KCNH8: variants seen among roughly 807,000 people sequenced by gnomAD.
The protein encoded by KCNH8 is potassium voltage-gated channel subfamily H member 8.
A neutral mutation model predicts 103.6 loss-of-function variants in KCNH8; 70 were observed. The ratio of observed to expected loss-of-function variants is 0.68; its 90% CI spans 0.56 to 0.82. KCNH8 has a LOEUF of 0.82. Among genes scored for constraint, KCNH8 ranks in the 40% least tolerant of loss-of-function variants. The probability of loss-of-function intolerance (pLI) is 0.00; values close to 1 mark genes in which losing one functional copy is unlikely to be tolerated. For missense variants in KCNH8, 1,217 were observed against 1,329.9 expected, an observed-to-expected ratio of 0.92 and a Z score of 1.32; for synonymous variants, 498 against 489.4, an observed-to-expected ratio of 1.02 and a Z score of -0.23.
intron 4 of KCNH8, among the ~76,000 whole-genome samples, chr3:19,343,363 TC>T (rs1257432550): frequency 6.6e-6 from 1 of 152,120 alleles, no homozygotes; most frequent in African/African-American, 2.4e-5. Flanking sequence ...GGAGTTTATT[TC>T]CTATTTTACA....
At chr3:19,427,760 G>A (rs1257801949) in intron 7 of KCNH8, among the ~76,000 whole-genome samples, 2 of 152,226 alleles carry the variant, frequency 1.3e-5, no homozygotes, top group South Asian at 2.1e-4. Context: ...CTGGGAGAAG[G>A]GCTGGGGAAG....
chr3:19,429,186 T>G (rs1187858983), intron 7 of KCNH8, among the ~76,000 whole-genome samples: 1 of 76,446 alleles, frequency 1.3e-5, no homozygotes, highest in African/African-American at 5.5e-5. Context: ...TTTTTTTTTT[T>G]TTGGAGACAA....
In KCNH8 at chr3:19,450,198, C is replaced by T; in HGVS notation, c.1468C>T (p.Leu490=). 2.5e-6 allele frequency: 4 copies of T among 1,613,606 alleles called. No homozygotes were observed. Among genetic ancestry groups the T allele is most frequent in the Non-Finnish European group, 3.4e-6 (4 of 1,179,696 alleles). ...CCTCTATCACACTAGAACTAAGGATCTGAAAGATTTCATCCGTGTCCATCA... is the reference window on the plus strand; with the variant it reads ...CCTCTATCACACTAGAACTAAGGATTTGAAAGATTTCATCCGTGTCCATCA... ...WSLYHTRTKD[L]KDFIRVHHLP... Residue 490 remains leucine, a synonymous_variant, in exon 9 of 16, where the codon CTG becomes TTG. Coordinates refer to ENST00000328405, the MANE Select transcript of KCNH8 (RefSeq NM_144633.3).
rs75316621 is a variant in KCNH8 at position 19,173,445 on chromosome 3, T to C, written c.76+24650T>C. On this transcript the variant is annotated intron_variant, in intron 1 of 15. Coordinates refer to ENST00000328405, the MANE Select transcript of KCNH8 (RefSeq NM_144633.3). The stretch of plus-strand genomic sequence containing the variant: ...GCAAGGGCTTACACCTCTGCAAGTG[T>C]AAAAACAGGAAATAATTCAACCAAT... Among the ~76,000 whole-genome samples the C allele has an allele frequency of 2.8e-4, 42 of 152,314 alleles. No homozygotes were observed. In the East Asian group the frequency reaches 8.1e-3, roughly 29 times the overall value.
intron 1 of KCNH8, among the ~76,000 whole-genome samples, chr3:19,251,651 C>T (rs2064279411): frequency 6.6e-6 from 1 of 152,004 alleles, no homozygotes; most frequent in Non-Finnish European, 1.5e-5. Context: ...ACCTTCTTTC[C>T]CATGGCAGGA....
chr3:19,408,456 T>A (rs1257211292), intron 7 of KCNH8, among the ~76,000 whole-genome samples: 1 of 151,896 alleles, frequency 6.6e-6, no homozygotes. Context: ...TCATGAAAAA[T>A]CTGAATGTAG....
chr3:19,458,688 C>G (rs2067573073), intron 11 of KCNH8, among the ~76,000 whole-genome samples: 1 of 151,968 alleles, frequency 6.6e-6, no homozygotes, highest in South Asian at 2.1e-4. Context: ...CAACAGATCT[C>G]TTGAACTTAT....
chr3:19,434,991 ATGTAT>A (rs2067176756), intron 7 of KCNH8, among the ~76,000 whole-genome samples: 1 of 152,134 alleles, frequency 6.6e-6, no homozygotes, highest in African/African-American at 2.4e-5. Flanking sequence ...ATGGTTAATA[ATGTAT>A]TTAAAACTTG....
intron 2 of KCNH8, among the ~76,000 whole-genome samples, chr3:19,275,401 G>C (rs1193327888): frequency 1.9e-4 from 29 of 151,846 alleles, no homozygotes. Flanking sequence ...TACCCCCCAC[G>C]CTGCCCTCCA....
chr3:19,423,579 T>A (rs1405486581), intron 7 of KCNH8, among the ~76,000 whole-genome samples: 1 of 152,046 alleles, frequency 6.6e-6, no homozygotes, highest in Non-Finnish European at 1.5e-5. Context: ...TCCAATTCCA[T>A]CCAGGTTGCT....
Position 19,535,004 on chromosome 3 carries a change from G to A in KCNH8, c.*905G>A. The A allele has an allele frequency of 6.6e-6, 1 of 152,190 alleles. No homozygotes were observed. The highest frequency in any genetic ancestry group is 1.9e-4 in the East Asian group (1 of 5,190). 9.4% of individuals were successfully genotyped at this position (152,190 alleles called of 1,614,324 possible). A position where few individuals can be genotyped will look rare whatever the true frequency, so the allele number is the denominator to read the frequency against. Reference sequence around the variant, plus strand: ...CTACATGAGCTTTGGCATGGGGATAGAGAGGCTCCATCTAGGCTCTGCCAA... The same window carrying A: ...CTACATGAGCTTTGGCATGGGGATAAAGAGGCTCCATCTAGGCTCTGCCAA... On this transcript the variant is annotated 3_prime_UTR_variant, in exon 16 of 16. Coordinates refer to ENST00000328405, the MANE Select transcript of KCNH8 (RefSeq NM_144633.3).
At chr3:19,195,325 A>G (rs2063590278) in intron 1 of KCNH8, among the ~76,000 whole-genome samples, 1 of 151,786 alleles carries the variant, frequency 6.6e-6, no homozygotes, top group African/African-American at 2.4e-5. Flanking sequence ...TCTCTATTCT[A>G]TTCTGACTTT....
At chr3:19,184,180 G>A (rs1025846598) in intron 1 of KCNH8, among the ~76,000 whole-genome samples, 1 of 151,910 alleles carries the variant, frequency 6.6e-6, no homozygotes, top group African/African-American at 2.4e-5. Context: ...ACTGTAAATT[G>A]GATAAGTAAA....
chr3:19,485,651 C>T (rs749799009), intron 11 of KCNH8, among the ~76,000 whole-genome samples: 5 of 152,092 alleles, frequency 3.3e-5, no homozygotes, highest in Non-Finnish European at 7.4e-5. Context: ...TCTTTTTCTT[C>T]CTTAGAATAG....
intron 11 of KCNH8, among the ~76,000 whole-genome samples, chr3:19,487,370 A>G (rs1487612835): frequency 6.6e-6 from 1 of 152,190 alleles, no homozygotes; most frequent in Non-Finnish European, 1.5e-5. Flanking sequence ...GACCAAGCGC[A>G]AGTCCTGCAC....
chr3:19,176,849 G>C (rs777390347), intron 1 of KCNH8, among the ~76,000 whole-genome samples: 9 of 152,112 alleles, frequency 5.9e-5, no homozygotes, highest in Non-Finnish European at 1.2e-4. Flanking sequence ...TCCTAAAGGA[G>C]ATATAGGAGT....
chr3:19,150,667 G>T (rs2063120015), intron 1 of KCNH8, among the ~76,000 whole-genome samples: 1 of 152,102 alleles, frequency 6.6e-6, no homozygotes, highest in Non-Finnish European at 1.5e-5. Context: ...CTTGTGAATA[G>T]TTCTTTTTCT....
chr3:19,275,624 C>T (rs141131256), intron 2 of KCNH8, among the ~76,000 whole-genome samples: 2 of 152,068 alleles, frequency 1.3e-5, no homozygotes, highest in African/African-American at 4.8e-5. Flanking sequence ...TCTAAAGAAC[C>T]ATTACTTTCA....
chr3:19,530,793 G>A (rs2069146964), intron 15 of KCNH8, among the ~76,000 whole-genome samples: 1 of 152,098 alleles, frequency 6.6e-6, no homozygotes, highest in South Asian at 2.1e-4. Context: ...TTTTCTACAT[G>A]ATAATATTCT....
Sources: gnomAD v4.1 joint callset for allele counts (sites outside exome capture counted in the v4.1 genomes callset) on GRCh38, gnomAD v4.1.1 for gene constraint, MANE v1.5 for transcripts, NCBI Gene and HGNC (gene_info 2026-07-23, HGNC 2026-07-21) for gene names.